The following SLC36A3 variants were observed in gnomAD, a reference collection of about 807,000 sequenced individuals.
SLC36A3 encodes the protein proton-coupled amino acid transporter 3.
In SLC36A3, 35 loss-of-function variants were observed where a neutral mutation model predicts 44.3. That is an observed-to-expected ratio of 0.79 (90% confidence interval 0.60 to 1.05). The LOEUF (loss-of-function observed/expected upper bound fraction) is 1.05. SLC36A3 is among the 50% of genes least tolerant of loss of function. The probability of loss-of-function intolerance (pLI) is 0.00; values close to 1 mark genes in which losing one functional copy is unlikely to be tolerated. For missense variants in SLC36A3, 540 were observed against 578.7 expected (o/e 0.93, Z 0.69); for synonymous variants, 211 against 227.6 (o/e 0.93, Z 0.66).
chr5:151,287,171 T>C, intron 6 of SLC36A3, 75 bp downstream of exon 6: 1 of 1,469,588 alleles, frequency 6.8e-7, no homozygotes, highest in Non-Finnish European at 9.4e-7. Context: ...CACCTGCCCA[T>C]CATGATAACA....
chr5:151,293,339 CTACTACA>C lies in SLC36A3; in HGVS notation c.404+18_404+24del. On this transcript the variant is annotated intron_variant, in intron 4 of 9. Transcript: ENST00000335230. ...AGTGATATGATGATTTTTGTTGTTA[CTACTACA>C]ACATCTGTGACTACTACCTTCCCCA... The C allele has an allele frequency of 6.3e-7, 1 of 1,581,502 alleles. No homozygotes were observed. Among genetic ancestry groups the C allele is most frequent in the Non-Finnish European group, 8.6e-7 (1 of 1,159,250 alleles).
At chr5:151,296,630 A>G (rs905178792) in intron 2 of SLC36A3, 24 of 281,132 alleles carry the variant, frequency 8.5e-5, no homozygotes, top group Admixed American at 3.9e-4. Flanking sequence ...TTGAGGGCCA[A>G]GGTGTTCTTA....
At chr5:151,295,727 G>C (rs1754934891) in intron 3 of SLC36A3, among the ~76,000 whole-genome samples, 1 of 152,086 alleles carries the variant, frequency 6.6e-6, no homozygotes, top group Non-Finnish European at 1.5e-5. Context: ...TGAAATCATT[G>C]TGAAGACTTC....
chr5:151,299,868 T>C (rs1755110960), intron 1 of SLC36A3, among the ~76,000 whole-genome samples: 1 of 152,210 alleles, frequency 6.6e-6, no homozygotes, highest in African/African-American at 2.4e-5. Flanking sequence ...CATGAAGTGC[T>C]TCACAGATGT....
chr5:151,296,316 C>T, intron 2 of SLC36A3, 48 bp from the exon 3 acceptor site: 1 of 1,515,366 alleles, frequency 6.6e-7, no homozygotes, highest in East Asian at 2.3e-5. Flanking sequence ...ATGATCACTC[C>T]CATTCCCTGG....
At position 151,293,859 on chromosome 5, in the gene SLC36A3, G is replaced by C. The variant is rs148558410; in HGVS notation, c.309-400C>G. 1.7e-3 allele frequency among the ~76,000 whole-genome samples: 251 copies of C among 151,548 alleles called. 1 individual carries two copies. Among genetic ancestry groups the C allele is most frequent in the African/African-American group, 5.9e-3 (243 of 40,864 alleles). The stretch of plus-strand genomic sequence containing the variant: ...TCAGAACACTCGAGATCCTGGCCTG[G>C]GCCAGACCCCTCACAAAGGTGATAC... On this transcript the variant is annotated intron_variant, in intron 3 of 9. Coordinates refer to ENST00000335230, the MANE Select transcript of SLC36A3 (RefSeq NM_181774.4).
At chr5:151,281,942 A>G (rs1487442053) in intron 8 of SLC36A3, among the ~76,000 whole-genome samples, 2 of 152,114 alleles carry the variant, frequency 1.3e-5, no homozygotes, top group African/African-American at 4.8e-5. Flanking sequence ...TTCCATAGGC[A>G]ACCATTCAGA....
intron 1 of SLC36A3, among the ~76,000 whole-genome samples, chr5:151,299,258 CTCTCTCTATATATA>C (rs1368283338): frequency 0.013 from 901 of 67,990 alleles, 7 homozygotes; most frequent in South Asian, 0.029. Flanking sequence ...CTCTCTCTCT[CTCTCTCTATATATA>C]TATATATATA....
chr5:151,294,783 C>T (rs1012858485), intron 3 of SLC36A3, among the ~76,000 whole-genome samples: 2 of 151,994 alleles, frequency 1.3e-5, no homozygotes, highest in African/African-American at 4.8e-5. Context: ...GCATGCACCA[C>T]CACGCCTGGC....
intron 1 of SLC36A3, among the ~76,000 whole-genome samples, chr5:151,301,710 G>C (rs550337718): frequency 6.9e-6 from 1 of 144,748 alleles, no homozygotes; most frequent in Admixed American, 7.0e-5. Context: ...CAGCCTGGGC[G>C]ATAGAGCAAG....
At position 151,296,124 on chromosome 5, in the gene SLC36A3, C is replaced by T. The variant is rs528758793; in HGVS notation, c.308+56G>A. Reference sequence around the variant, plus strand: ...ATTGGGTCAGTGGTCAAAAGAAGAGCAACACACCCTCAGAGGGGCCCCAGT... The same window carrying T: ...ATTGGGTCAGTGGTCAAAAGAAGAGTAACACACCCTCAGAGGGGCCCCAGT... On this transcript the variant is annotated intron_variant, in intron 3 of 9. Coordinates refer to ENST00000335230, the MANE Select transcript of SLC36A3 (RefSeq NM_181774.4). 5 of 1,544,324 alleles carry T rather than the reference C, an allele frequency of 3.2e-6. No homozygotes were observed. The African/African-American group carries it at 6.8e-5, about 21-fold the overall frequency.
At chr5:151,301,776 C>T (rs2127275289) in intron 1 of SLC36A3, among the ~76,000 whole-genome samples, 2 of 150,992 alleles carry the variant, frequency 1.3e-5, no homozygotes, top group African/African-American at 4.9e-5. Context: ...GCAGATTCTG[C>T]ATGAATTACT....
chr5:151,280,260 G>T (rs1360806746), intron 9 of SLC36A3, among the ~76,000 whole-genome samples: 1 of 152,048 alleles, frequency 6.6e-6, no homozygotes, highest in Admixed American at 6.6e-5. Context: ...TTTGAGACCA[G>T]CTGGCAAACG....
At chr5:151,297,506 A>C (rs1754997277) in intron 2 of SLC36A3, 1 of 152,226 alleles carries the variant, frequency 6.6e-6, no homozygotes, top group African/African-American at 2.4e-5. Flanking sequence ...CACTCCAAGG[A>C]AATGGAATTA....
At chr5:151,303,203 T>C in intron 1 of SLC36A3, 24 bp downstream of exon 1, 1 of 1,602,910 alleles carries the variant, frequency 6.2e-7, no homozygotes, top group Non-Finnish European at 8.5e-7. Flanking sequence ...ACCTCAGGCC[T>C]GGAAGGGCGG....
At position 151,277,155 on chromosome 5, in the gene SLC36A3, T is replaced by C; in HGVS notation, c.*238A>G. ...CATAAAATGAGGCTGATAATATGAA[T>C]AGTTGAATCTAATTTTGGTTCAGAG... On this transcript the variant is annotated 3_prime_UTR_variant, in exon 10 of 10. Transcript: ENST00000335230. 5.5e-6 allele frequency: 3 copies of C among 545,956 alleles called. No homozygotes were observed. In the South Asian group the frequency reaches 8.1e-5, roughly 15 times the overall value. 33.8% of individuals were successfully genotyped at this position (545,956 alleles called of 1,614,324 possible).
chr5:151,303,195 C>T, intron 1 of SLC36A3, 32 bp downstream of exon 1: 1 of 1,597,130 alleles, frequency 6.3e-7, no homozygotes, highest in Non-Finnish European at 8.5e-7. Flanking sequence ...AGTGCTTGAC[C>T]TCAGGCCTGG....
At chr5:151,294,545 G>C (rs997973680) in intron 3 of SLC36A3, among the ~76,000 whole-genome samples, 1 of 151,984 alleles carries the variant, frequency 6.6e-6, no homozygotes, top group Non-Finnish European at 1.5e-5. Flanking sequence ...AGAAGCAGTC[G>C]GTTGTCTAAC....
Position 151,296,292 on chromosome 5 carries a change from G to T in SLC36A3, c.220-24C>A, listed in dbSNP as rs765381282. 1.7e-5 allele frequency: 27 copies of T among 1,598,172 alleles called. No individual in the cohort carries two copies. The Admixed American group carries it at 3.7e-4, about 22-fold the overall frequency. ...ACCTGGAGGGGAGAGGAGAAAGGGGGAAGTGAGCCAGAAATGATCACTCCC... is the reference window on the plus strand; with the variant it reads ...ACCTGGAGGGGAGAGGAGAAAGGGGTAAGTGAGCCAGAAATGATCACTCCC... On this transcript the variant is annotated intron_variant, in intron 2 of 9. Coordinates refer to ENST00000335230, the MANE Select transcript of SLC36A3 (RefSeq NM_181774.4).
Sources: allele counts gnomAD v4.1 joint callset (sites outside exome capture counted in the v4.1 genomes callset), GRCh38; gene constraint gnomAD v4.1.1; transcripts MANE v1.5; gene names NCBI Gene and HGNC (gene_info 2026-07-23, HGNC 2026-07-21).